LAS1L: variants seen among roughly 807,000 people sequenced by gnomAD.
LAS1L encodes the protein ribosomal biogenesis protein LAS1L.
LAS1L carries 5 observed loss-of-function variants against 57.3 expected under a neutral mutation model. That is an observed-to-expected ratio of 0.09 (90% confidence interval 0.05 to 0.18). The LOEUF is 0.18. Ranked by LOEUF, LAS1L falls within the 10% of genes least tolerant of loss-of-function variation. The probability of loss-of-function intolerance (pLI) is 1.00; values close to 1 mark genes in which losing one functional copy is unlikely to be tolerated. For missense variants in LAS1L, 360 were observed against 568.3 expected (o/e 0.63, Z 3.73); for synonymous variants, 245 against 231.7 (o/e 1.06, Z -0.52).
chrX:65,527,791 C>T (rs950376217), intron 7 of LAS1L, among the ~76,000 whole-genome samples: 1 of 109,891 alleles, frequency 9.1e-6, no homozygotes, highest in African/African-American at 3.3e-5. Flanking sequence ...CGAGACTGCG[C>T]CACTGCACTC....
chrX:65,515,936 C>G (rs2068612396), intron 12 of LAS1L, among the ~76,000 whole-genome samples: 1 of 111,873 alleles, frequency 8.9e-6, no homozygotes, highest in African/African-American at 3.3e-5. Context: ...CGGACATCCC[C>G]CATCCCTCTC....
rs1327273242 is a variant in LAS1L at position 65,534,218 on chromosome X, T to G, written c.236+262A>C. On this transcript the variant is annotated intron_variant, in intron 1 of 13. Coordinates refer to ENST00000374811, the MANE Select transcript of LAS1L (RefSeq NM_031206.7). ...AGTCCCTCCGGCATCCTCTCCAAGT[T>G]GGGAGAAAGTCACTTTTTGGAGGTA... is the stretch of plus-strand genomic sequence containing the variant. Among the ~76,000 whole-genome samples, 3 of 112,082 alleles carry G rather than the reference T, an allele frequency of 2.7e-5. No individual in the cohort carries two copies. The Admixed American group carries it at 2.8e-4, about 11-fold the overall frequency.
chrX:65,519,610 AACC>A (rs2068771799), intron 11 of LAS1L, among the ~76,000 whole-genome samples: 1 of 111,955 alleles, frequency 8.9e-6, no homozygotes, highest in African/African-American at 3.3e-5. Context: ...CCAACAGCAA[AACC>A]ACCAACAGAT....
At chrX:65,526,945 C>T (rs1174170974) in intron 7 of LAS1L, among the ~76,000 whole-genome samples, 1 of 110,682 alleles carries the variant, frequency 9.0e-6, no homozygotes, top group African/African-American at 3.3e-5. Context: ...GGCGTGGTGG[C>T]TCACATCTGT....
intron 4 of LAS1L, among the ~76,000 whole-genome samples, chrX:65,530,967 G>A (rs762833385): frequency 9.0e-6 from 1 of 111,025 alleles, no homozygotes; most frequent in Non-Finnish European, 1.9e-5. Context: ...TGGGCAACAG[G>A]GTGAGACTCG....
At chrX:65,514,524 G>C (rs1215429671) in intron 13 of LAS1L, among the ~76,000 whole-genome samples, 1 of 61,301 alleles carries the variant, frequency 1.6e-5, no homozygotes, top group South Asian at 1.1e-3. Flanking sequence ...CAAAATGTGT[G>C]TGTGTGCCTG....
chrX:65,519,871 G>A (rs1041529013), intron 11 of LAS1L, among the ~76,000 whole-genome samples: 26 of 111,760 alleles, frequency 2.3e-4, no homozygotes, highest in Admixed American at 9.5e-5. Flanking sequence ...TGTCTATGGA[G>A]GCAATTTCAT....
In LAS1L at chrX:65,524,330, G is replaced by C. The variant is rs1302812283; in HGVS notation, c.1094-68C>G. 7 of 880,637 alleles carry C rather than the reference G, an allele frequency of 7.9e-6. No individual in the cohort carries two copies. The East Asian group carries it at 2.0e-4, about 25-fold the overall frequency. The allele number at this position is 880,637 out of a possible 1,213,427, so 72.6% of individuals were successfully genotyped here. A position where few individuals can be genotyped will look rare whatever the true frequency, so the allele number is the denominator to read the frequency against. ...AGAGAGCAGGAGAGCACGAAAGAGA[G>C]AGCAAGAGACAGCAAGAGAAAGGAA... is the stretch of plus-strand genomic sequence containing the variant. On this transcript the variant is annotated intron_variant, in intron 9 of 13. Coordinates refer to ENST00000374811, the MANE Select transcript of LAS1L (RefSeq NM_031206.7).
At position 65,524,599 on chromosome X, in the gene LAS1L, A is replaced by T. The variant is rs781433665; in HGVS notation, c.1058T>A (p.Val353Asp). ...TGGGTCAGTACCTTCCCCTCTCTGG[A>T]CCTCAGTCTGACCATCTGTAACATG... is the stretch of plus-strand genomic sequence containing the variant. ...QIEYEDGQTE[V>D]QRGEGTDPKS... The change falls in exon 9 of 14, where the codon GTC becomes GAC. Residue 353 changes from valine (V) to aspartate (D), a missense_variant. Val to Asp is a radical substitution (Grantham distance 152). Coordinates refer to ENST00000374811, the MANE Select transcript of LAS1L (RefSeq NM_031206.7). 1 of 525,534 alleles carries T rather than the reference A, an allele frequency of 1.9e-6. No homozygotes were observed. Among genetic ancestry groups the T allele is most frequent in the African/African-American group, 2.3e-5 (1 of 43,322 alleles). 43.3% of individuals were successfully genotyped at this position (525,534 alleles called of 1,213,427 possible).
intron 7 of LAS1L, among the ~76,000 whole-genome samples, chrX:65,525,561 G>A (rs6524991): frequency 0.09 from 9,806 of 108,841 alleles, 1,232 homozygotes; most frequent in African/African-American, 0.32. Flanking sequence ...ATGGTCCATA[G>A]GCCTTATTAC....
chrX:65,518,740 A>G, intron 11 of LAS1L: 2 of 657,742 alleles, frequency 3.0e-6, no homozygotes, highest in Non-Finnish European at 3.6e-6. Flanking sequence ...GAAAGCTCAC[A>G]TAGAATGCCT....
At chrX:65,529,073 T>C in intron 6 of LAS1L, 139 bp downstream of exon 6, 4 of 546,438 alleles carry the variant, frequency 7.3e-6, no homozygotes, top group Non-Finnish European at 1.3e-5. Flanking sequence ...AGTTCCCCCC[T>C]CTCTCTTTCC....
At chrX:65,524,292 G>C in intron 9 of LAS1L, 30 bp from the exon 10 acceptor site, 1 of 1,093,452 alleles carries the variant, frequency 9.1e-7, no homozygotes, top group Non-Finnish European at 1.3e-6. Context: ...CATTTGGGGG[G>C]GCAATAGGAG....
At chrX:65,525,071 T>C (rs773320510) in intron 7 of LAS1L, 21 bp from the exon 8 acceptor site, 2 of 1,152,314 alleles carry the variant, frequency 1.7e-6, no homozygotes, top group Admixed American at 2.2e-5. Flanking sequence ...AGGACACTAG[T>C]TTAGCAAAGT....
Position 65,534,771 on chromosome X carries a change from C to A in LAS1L, c.-56G>T. The A allele has an allele frequency of 4.1e-6, 4 of 983,247 alleles. No individual in the cohort carries two copies. The highest frequency in any genetic ancestry group is 2.6e-4 in the Middle Eastern group (1 of 3,808). The allele number at this position is 983,247 out of a possible 1,213,427, so 81.0% of individuals were successfully genotyped here. On this transcript the variant is annotated 5_prime_UTR_variant, in exon 1 of 14. Coordinates refer to ENST00000374811, the MANE Select transcript of LAS1L (RefSeq NM_031206.7). The stretch of plus-strand genomic sequence containing the variant: ...CCGCTCCGCACAGCCTTCAGCTCAG[C>A]GTGCTACCCTCACTCCGAACCGCCA...
rs373278066 is a variant in LAS1L at position 65,524,171 on chromosome X, C to T, written c.1185G>A (p.Thr395=). 5.1e-5 allele frequency: 62 copies of T among 1,208,836 alleles called. No individual in the cohort carries two copies. The highest frequency in any genetic ancestry group is 6.8e-5 in the Non-Finnish European group (61 of 894,314). The change falls in exon 10 of 14, where the codon ACG becomes ACA. Residue 395 remains threonine, a synonymous_variant. Transcript: ENST00000374811. ...LLRGLHSQNF[T]QALLERMLSE... ...AGAGCATCCTCTCCAATAGGGCCTG[C>T]GTGAAGTTCTGGGAGTGCAGGCCCC...
At chrX:65,526,285 C>T (rs187827341) in intron 7 of LAS1L, among the ~76,000 whole-genome samples, 2 of 111,609 alleles carry the variant, frequency 1.8e-5, no homozygotes, top group Non-Finnish European at 3.8e-5. Context: ...TATAGACATT[C>T]TCCTAACTGA....
At chrX:65,514,534 G>GCACACACACACACACACACA (rs56718186) in intron 13 of LAS1L, among the ~76,000 whole-genome samples, 1 of 88,835 alleles carries the variant, frequency 1.1e-5, no homozygotes, top group African/African-American at 4.3e-5. Context: ...GTGTGTGCCT[G>GCACACACACACACACACACA]CACACACACA....
chrX:65,512,926 C>T, intron 13 of LAS1L, 25 bp from the exon 14 acceptor site: 1 of 1,156,170 alleles, frequency 8.6e-7, no homozygotes, highest in Non-Finnish European at 1.2e-6. Context: ...GGAGGTCAGT[C>T]AGGGAAGGAG....
Sources: gnomAD v4.1 joint callset for allele counts (sites outside exome capture counted in the v4.1 genomes callset) on GRCh38, gnomAD v4.1.1 for gene constraint, MANE v1.5 for transcripts, NCBI Gene and HGNC (gene_info 2026-07-23, HGNC 2026-07-21) for gene names.